Variants in DPP10 observed in about 807,000 individuals in gnomAD.
The protein encoded by DPP10 is dipeptidyl peptidase like 10.
A neutral mutation model predicts 120.9 loss-of-function variants in DPP10; 33 were observed. The ratio of observed to expected loss-of-function variants is 0.27; its 90% CI spans 0.21 to 0.37. The LOEUF is 0.37. Among genes scored for constraint, DPP10 ranks in the 10% least tolerant of loss-of-function variants. DPP10 has a pLI of 1.00. For missense variants in DPP10, 816 were observed against 942.8 expected (o/e 0.87, Z 1.76); for synonymous variants, 337 against 326.1 (o/e 1.03, Z -0.36).
intron 3 of DPP10, among the ~76,000 whole-genome samples, chr2:115,432,166 A>G (rs1453947061): frequency 6.6e-6 from 1 of 152,066 alleles, no homozygotes; most frequent in African/African-American, 2.4e-5. Flanking sequence ...ATTGTTATCT[A>G]TTAGTCACCT....
intron 5 of DPP10, among the ~76,000 whole-genome samples, chr2:115,534,296 T>C (rs1295484984): frequency 1.3e-5 from 2 of 151,956 alleles, no homozygotes; most frequent in African/African-American, 2.4e-5. Context: ...GAGTGTGATG[T>C]TCCCCTTCCT....
chr2:115,201,185 G>A lies in DPP10; in HGVS notation c.61-108054G>A, dbSNP rs147875860. On this transcript the variant is annotated intron_variant, in intron 1 of 25. Transcript: ENST00000410059. ...CAGTTTTAAAAACACAGAACCGGCC[G>A]GGTGCAGTGGCTCATGCCTGTAATC... is the stretch of plus-strand genomic sequence containing the variant. Among the ~76,000 whole-genome samples, 497 of 152,270 alleles carry A rather than the reference G, an allele frequency of 3.3e-3. 3 individuals are homozygous for A. The highest frequency in any genetic ancestry group is 0.011 in the African/African-American group (462 of 41,556).
intron 2 of DPP10, among the ~76,000 whole-genome samples, chr2:115,317,510 G>A (rs1163351002): frequency 6.6e-6 from 1 of 152,066 alleles, no homozygotes; most frequent in Admixed American, 6.6e-5. Context: ...AGATCCTATG[G>A]TAATTTCTGT....
intron 11 of DPP10, among the ~76,000 whole-genome samples, chr2:115,754,254 C>T (rs988184104): frequency 6.6e-6 from 1 of 151,940 alleles, no homozygotes; most frequent in Non-Finnish European, 1.5e-5. Flanking sequence ...AGGACAGGGA[C>T]CAGAGAAGTT....
intron 3 of DPP10, among the ~76,000 whole-genome samples, chr2:115,435,481 C>T (rs2071412427): frequency 6.6e-6 from 1 of 151,650 alleles, no homozygotes; most frequent in South Asian, 2.1e-4. Context: ...GCCTGTTGAC[C>T]ATCTTTATGT....
intron 4 of DPP10, among the ~76,000 whole-genome samples, chr2:115,523,529 G>A (rs892755318): frequency 2.0e-5 from 3 of 151,616 alleles, no homozygotes; most frequent in Non-Finnish European, 4.4e-5. Flanking sequence ...CAACTGCAAC[G>A]TTGGAATTTT....
intron 1 of DPP10, among the ~76,000 whole-genome samples, chr2:115,097,104 C>T (rs548096428): frequency 6.6e-6 from 1 of 152,102 alleles, no homozygotes; most frequent in Non-Finnish European, 1.5e-5. Context: ...TAAACTGAGA[C>T]AGCTAAGCAC....
intron 19 of DPP10, among the ~76,000 whole-genome samples, chr2:115,801,759 A>C (rs1323368124): frequency 6.6e-6 from 1 of 152,210 alleles, no homozygotes; most frequent in East Asian, 1.9e-4. Context: ...ATGTTGAACC[A>C]GCCTTGCATC....
intron 5 of DPP10, among the ~76,000 whole-genome samples, chr2:115,598,964 A>G (rs2149206310): frequency 6.6e-6 from 1 of 151,742 alleles, no homozygotes; most frequent in African/African-American, 2.4e-5. Flanking sequence ...AACTTTATTT[A>G]TTTATTTTTT....
chr2:115,287,347 A>G (rs1471160236), intron 1 of DPP10, among the ~76,000 whole-genome samples: 1 of 152,016 alleles, frequency 6.6e-6, no homozygotes, highest in Non-Finnish European at 1.5e-5. Flanking sequence ...GGTTATGTGG[A>G]TGATCGTACA....
chr2:114,741,076 T>A (rs867061753), intron 1 of DPP10, among the ~76,000 whole-genome samples: 1 of 152,188 alleles, frequency 6.6e-6, no homozygotes, highest in Non-Finnish European at 1.5e-5. Context: ...GGTAATTTTA[T>A]CTTCATTTTT....
intron 1 of DPP10, among the ~76,000 whole-genome samples, chr2:114,615,243 T>C (rs1693590796): frequency 6.6e-6 from 1 of 152,184 alleles, no homozygotes; most frequent in Non-Finnish European, 1.5e-5. Flanking sequence ...GTTAGCATTC[T>C]TTTCTTGTTC....
At chr2:114,881,800 TC>T (rs1395156410) in intron 1 of DPP10, among the ~76,000 whole-genome samples, 3 of 152,138 alleles carry the variant, frequency 2.0e-5, no homozygotes, top group African/African-American at 7.2e-5. Context: ...TTTTCTAATG[TC>T]ACAGTTGGTA....
intron 4 of DPP10, among the ~76,000 whole-genome samples, chr2:115,518,114 A>G (rs1198723662): frequency 1.3e-5 from 2 of 152,188 alleles, no homozygotes; most frequent in African/African-American, 2.4e-5. Flanking sequence ...AGAACTCAGT[A>G]TGATAAAAAT....
chr2:115,175,406 G>A (rs756147909), intron 1 of DPP10, among the ~76,000 whole-genome samples: 12 of 152,140 alleles, frequency 7.9e-5, no homozygotes, highest in Non-Finnish European at 1.3e-4. Context: ...TTTAAGAGGG[G>A]TGGGGGAACA....
At chr2:115,257,551 T>C (rs1286759805) in intron 1 of DPP10, among the ~76,000 whole-genome samples, 3 of 152,132 alleles carry the variant, frequency 2.0e-5, no homozygotes, top group Non-Finnish European at 4.4e-5. Context: ...AGCACCAAGC[T>C]GTGAAAGATT....
At chr2:114,458,988 AGATT>A (rs1199497187) in intron 1 of DPP10, among the ~76,000 whole-genome samples, 3 of 152,248 alleles carry the variant, frequency 2.0e-5, no homozygotes, top group South Asian at 2.1e-4. Flanking sequence ...CACTCTGATA[AGATT>A]GATTGTCTTC....
chr2:115,771,628 C>T (rs1355212953), intron 13 of DPP10, among the ~76,000 whole-genome samples: 2 of 151,978 alleles, frequency 1.3e-5, no homozygotes, highest in Non-Finnish European at 2.9e-5. Flanking sequence ...AACAGTAATG[C>T]ATGCCAGCAT....
At chr2:115,265,943 CAA>C (rs397985556) in intron 1 of DPP10, among the ~76,000 whole-genome samples, 35 of 78,280 alleles carry the variant, frequency 4.5e-4, no homozygotes, top group Non-Finnish European at 3.9e-4. Context: ...GACTCTATTT[CAA>C]AAAAAAAAAA....
Sources: allele counts gnomAD v4.1 joint callset (sites outside exome capture counted in the v4.1 genomes callset), GRCh38; gene constraint gnomAD v4.1.1; transcripts MANE v1.5; gene names NCBI Gene and HGNC (gene_info 2026-07-23, HGNC 2026-07-21).